PARD3: variants seen among roughly 807,000 people sequenced by gnomAD.
PARD3 encodes partitioning defective 3 homolog.
Under a neutral mutation model 155.4 loss-of-function variants are expected in PARD3, and 75 were observed. The ratio of observed to expected loss-of-function variants is 0.48; its 90% CI spans 0.40 to 0.58. The LOEUF (loss-of-function observed/expected upper bound fraction) is 0.58, where lower values mean the gene tolerates loss of function less well. PARD3 is among the 20% of genes least tolerant of loss of function. The probability of loss-of-function intolerance (pLI) is 0.00; values close to 1 mark genes in which losing one functional copy is unlikely to be tolerated. For missense variants in PARD3, 1,642 were observed against 1,721.7 expected (o/e 0.95, Z 0.82); for synonymous variants, 576 against 610.5 (o/e 0.94, Z 0.83).
intron 22 of PARD3, among the ~76,000 whole-genome samples, chr10:34,142,471 G>A (rs185048840): frequency 2.0e-5 from 3 of 151,954 alleles, no homozygotes; most frequent in Non-Finnish European, 4.4e-5. Context: ...GGAGTTTGAG[G>A]CTGCAGTGAA....
At chr10:34,331,077 C>A in intron 19 of PARD3, 40 bp downstream of exon 19, 1 of 1,516,626 alleles carries the variant, frequency 6.6e-7, no homozygotes, top group South Asian at 1.1e-5. Flanking sequence ...GAAATAGAGT[C>A]TAATTTTAAT....
At chr10:34,691,447 T>C (rs12243445) in intron 2 of PARD3, among the ~76,000 whole-genome samples, 2,860 of 152,194 alleles carry the variant, frequency 0.019, 93 homozygotes, top group African/African-American at 0.065. Context: ...CCAGATATGA[T>C]ATAAACAAAT....
At chr10:34,392,418 TAATC>T (rs2132098546) in intron 7 of PARD3, among the ~76,000 whole-genome samples, 1 of 152,282 alleles carries the variant, frequency 6.6e-6, no homozygotes, top group Non-Finnish European at 1.5e-5. Context: ...AAATCAAAGT[TAATC>T]AGACAAATCA....
At chr10:34,491,494 T>TG (rs1267726714) in intron 3 of PARD3, among the ~76,000 whole-genome samples, 1 of 152,362 alleles carries the variant, frequency 6.6e-6, no homozygotes, top group East Asian at 1.9e-4. Flanking sequence ...AATATGTTTA[T>TG]GTTTGTCCCT....
At chr10:34,516,122 G>T (rs372882387) in intron 3 of PARD3, among the ~76,000 whole-genome samples, 1 of 151,884 alleles carries the variant, frequency 6.6e-6, no homozygotes, top group Non-Finnish European at 1.5e-5. Context: ...CCGCCACCAC[G>T]CCTGGCTAAT....
intron 22 of PARD3, among the ~76,000 whole-genome samples, chr10:34,191,816 C>T (rs1398013435): frequency 2.0e-5 from 3 of 152,120 alleles, no homozygotes; most frequent in Non-Finnish European, 4.4e-5. Flanking sequence ...AGCTCAGACA[C>T]AGACAGGAAC....
At chr10:34,733,421 G>A (rs1263431302) in intron 1 of PARD3, among the ~76,000 whole-genome samples, 4 of 152,058 alleles carry the variant, frequency 2.6e-5, no homozygotes, top group African/African-American at 7.2e-5. Context: ...ATAATTCTAC[G>A]TTGTGATTAA....
chr10:34,436,909 C>G (rs1244803423), intron 5 of PARD3, among the ~76,000 whole-genome samples: 1 of 151,886 alleles, frequency 6.6e-6, no homozygotes, highest in African/African-American at 2.4e-5. Context: ...AGCATGGTAC[C>G]ATTTGAAAGG....
At chr10:34,714,537 A>T (rs1172502422) in intron 1 of PARD3, among the ~76,000 whole-genome samples, 1 of 152,118 alleles carries the variant, frequency 6.6e-6, no homozygotes, top group Non-Finnish European at 1.5e-5. Flanking sequence ...TGGATGCCAT[A>T]CCACGGCACA....
At chr10:34,450,960 G>C (rs905566334) in intron 4 of PARD3, among the ~76,000 whole-genome samples, 7 of 152,138 alleles carry the variant, frequency 4.6e-5, no homozygotes, top group African/African-American at 1.7e-4. Flanking sequence ...TATTCAGGCT[G>C]TTTCTATTAC....
intron 2 of PARD3, among the ~76,000 whole-genome samples, chr10:34,649,734 T>A (rs879214468): frequency 2.0e-5 from 3 of 152,246 alleles, no homozygotes; most frequent in African/African-American, 7.2e-5. Flanking sequence ...TAAATTAAAC[T>A]TAGATTACTG....
At chr10:34,557,656 C>T (rs1414364730) in intron 2 of PARD3, among the ~76,000 whole-genome samples, 1 of 151,954 alleles carries the variant, frequency 6.6e-6, no homozygotes, top group Non-Finnish European at 1.5e-5. Flanking sequence ...GAGGGTTTCA[C>T]CACGTTGCCC....
intron 12 of PARD3, among the ~76,000 whole-genome samples, chr10:34,368,877 C>G (rs1840272800): frequency 6.7e-6 from 1 of 149,690 alleles, no homozygotes; most frequent in South Asian, 2.1e-4. Flanking sequence ...AAGATCTCTT[C>G]CCACTATCTT....
chr10:34,316,581 AAC>A (rs1407606850), intron 20 of PARD3, among the ~76,000 whole-genome samples: 1 of 152,176 alleles, frequency 6.6e-6, no homozygotes, highest in African/African-American at 2.4e-5. Context: ...TGCTACCACT[AAC>A]TTGAGCTCTA....
At chr10:34,521,314 A>T (rs2082130489) in intron 2 of PARD3, among the ~76,000 whole-genome samples, 1 of 150,860 alleles carries the variant, frequency 6.6e-6, no homozygotes, top group South Asian at 2.1e-4. Context: ...ACTGGGAAAG[A>T]TATATAATTT....
At chr10:34,364,108 CCA>C (rs1839724645) in intron 12 of PARD3, among the ~76,000 whole-genome samples, 1 of 152,072 alleles carries the variant, frequency 6.6e-6, no homozygotes, top group African/African-American at 2.4e-5. Context: ...AGGCCCAAAT[CCA>C]CAGTTAATCT....
At chr10:34,670,834 A>G (rs1245404186) in intron 2 of PARD3, among the ~76,000 whole-genome samples, 2 of 152,206 alleles carry the variant, frequency 1.3e-5, no homozygotes, top group Non-Finnish European at 2.9e-5. Flanking sequence ...TGTTTTTAAG[A>G]CACAAACAGG....
chr10:34,575,055 C>T lies in PARD3; in HGVS notation c.223-57896G>A, dbSNP rs1206294876. The stretch of plus-strand genomic sequence containing the variant: ...TCACCCAGGCTGGACTGCAGTGGCC[C>T]AATCATAGCTCATGCCTGGGCTCAA... On this transcript the variant is annotated intron_variant, in intron 2 of 24. Coordinates refer to ENST00000374788, the MANE Select transcript of PARD3 (RefSeq NM_001184785.2). 5.9e-5 allele frequency among the ~76,000 whole-genome samples: 9 copies of T among 152,196 alleles called. No homozygotes were observed. The East Asian group carries it at 1.5e-3, about 26-fold the overall frequency.
intron 1 of PARD3, among the ~76,000 whole-genome samples, chr10:34,700,867 T>C (rs2094261630): frequency 6.6e-6 from 1 of 151,798 alleles, no homozygotes; most frequent in Non-Finnish European, 1.5e-5. Flanking sequence ...AGCTCCTCTT[T>C]CTCCTGTAGT....
Sources: allele counts gnomAD v4.1 joint callset (sites outside exome capture counted in the v4.1 genomes callset), GRCh38; gene constraint gnomAD v4.1.1; transcripts MANE v1.5; gene names NCBI Gene and HGNC (gene_info 2026-07-23, HGNC 2026-07-21).